The following CFAP47 variants were observed in gnomAD, a reference collection of about 807,000 sequenced individuals.
The protein encoded by CFAP47 is cilia- and flagella-associated protein 47.
In CFAP47, 29 loss-of-function variants were observed where a neutral mutation model predicts 148.1. The ratio of observed to expected loss-of-function variants is 0.20; its 90% CI spans 0.15 to 0.27. CFAP47 has a LOEUF of 0.27. CFAP47 is among the 10% of genes least tolerant of loss of function. CFAP47 has a pLI of 1.00. For synonymous variants in CFAP47, 664 were observed against 577.3 expected (o/e 1.15, Z -2.15); for missense variants, 1,872 against 1,697.5 (o/e 1.10, Z -1.81).
chrX:35,937,216 C>T (rs1935931110), intron 2 of CFAP47, among the ~76,000 whole-genome samples: 2 of 104,206 alleles, frequency 1.9e-5, no homozygotes, highest in Non-Finnish European at 3.9e-5. Context: ...GATCTCAGGC[C>T]TGGAGTAGAA....
chrX:36,353,870 A>G (rs1556017951), intron 60 of CFAP47, among the ~76,000 whole-genome samples, 189 bp downstream of exon 60: 1 of 111,994 alleles, frequency 8.9e-6, no homozygotes, highest in Non-Finnish European at 1.9e-5. Flanking sequence ...CTCAAACATA[A>G]CAAGTTACAG....
intron 23 of CFAP47, among the ~76,000 whole-genome samples, chrX:36,033,924 A>G (rs2146721287): frequency 8.9e-6 from 1 of 111,775 alleles, no homozygotes; most frequent in African/African-American, 3.2e-5. Flanking sequence ...TAGTGCAGAG[A>G]ATTTCTGATA....
intron 57 of CFAP47, among the ~76,000 whole-genome samples, chrX:36,339,929 G>A (rs1237328721): frequency 1.8e-5 from 2 of 111,754 alleles, no homozygotes; most frequent in African/African-American, 6.5e-5. Flanking sequence ...TAAGAAGCAT[G>A]GATTTGTGTT....
intron 26 of CFAP47, among the ~76,000 whole-genome samples, chrX:36,048,970 A>G (rs1937498515): frequency 9.0e-6 from 1 of 111,307 alleles, no homozygotes; most frequent in African/African-American, 3.3e-5. Flanking sequence ...GGAACAGATT[A>G]TGAAAGTCGT....
At chrX:36,378,589 G>A (rs1350778288) in intron 62 of CFAP47, among the ~76,000 whole-genome samples, 1 of 111,832 alleles carries the variant, frequency 8.9e-6, no homozygotes, top group Non-Finnish European at 1.9e-5. Context: ...GCCCCAGCTG[G>A]AGTGCAATGG....
intron 61 of CFAP47, among the ~76,000 whole-genome samples, chrX:36,363,441 C>A (rs2146991979): frequency 9.0e-6 from 1 of 111,276 alleles, no homozygotes; most frequent in East Asian, 2.8e-4. Flanking sequence ...TACCTAAACA[C>A]AGAAAAGGTA....
rs986031894 is a variant in CFAP47, at chrX:36,148,392, G to A, written c.5671-716G>A. ...TCTTGAGGACATGCCCAAAGGTGGG[G>A]CCTAGTTAAAAAAAGAGTTCAGACA... On this transcript the variant is annotated intron_variant, in intron 36 of 63. Coordinates refer to ENST00000378653, the MANE Select transcript of CFAP47 (RefSeq NM_001304548.2). Among the ~76,000 whole-genome samples, 3 of 111,641 alleles carry A rather than the reference G, an allele frequency of 2.7e-5. No homozygotes were observed. The South Asian group carries it at 1.1e-3, about 42-fold the overall frequency.
intron 24 of CFAP47, among the ~76,000 whole-genome samples, chrX:36,038,568 C>T (rs1391849175): frequency 8.9e-6 from 1 of 111,815 alleles, no homozygotes; most frequent in Non-Finnish European, 1.9e-5. Flanking sequence ...CATCTCAGGA[C>T]CTCCTTTTCT....
At chrX:36,051,476 C>T (rs1444509384) in intron 26 of CFAP47, among the ~76,000 whole-genome samples, 5 of 110,543 alleles carry the variant, frequency 4.5e-5, no homozygotes, top group Non-Finnish European at 9.5e-5. Flanking sequence ...TTAAGATTTG[C>T]CTGCCCTGCT....
At position 36,310,967 on chromosome X, in the gene CFAP47, C is replaced by A. The variant is rs1344232621; in HGVS notation, c.8322C>A (p.Val2774=). Residue 2774 remains valine, a synonymous_variant, in exon 56 of 64, where the codon GTC becomes GTA. Coordinates refer to ENST00000378653, the MANE Select transcript of CFAP47 (RefSeq NM_001304548.2). The part of the protein sequence containing the change: ...IPFKNPTMED[V]LIDIILTSVE... ...TCAAAAATCCCACAATGGAAGATGT[C>A]CTCATTGATATAATACTGACAAGTA... 8.9e-7 allele frequency: 1 copy of A among 1,127,447 alleles called. No individual in the cohort carries two copies. Among genetic ancestry groups the A allele is most frequent in the East Asian group, 3.4e-5 (1 of 29,755 alleles). The allele number at this position is 1,127,447 out of a possible 1,213,427, so 92.9% of individuals were successfully genotyped here. A position where few individuals can be genotyped will look rare whatever the true frequency, so the allele number is the denominator to read the frequency against.
Position 36,228,715 on chromosome X carries a change from A to G in CFAP47, c.6905A>G (p.Tyr2302Cys), listed in dbSNP as rs1462946855. ...TGTAAAATTTTATTGAAATCAAGGT[A>G]TGATGTGCGTGCCTATTATGTTGAA... ...YPCKILLKSR[Y>C]DVRAYYVEGI... Residue 2302 changes from tyrosine to cysteine, a missense_variant, in exon 46 of 64, where the codon TAT (tyrosine) becomes TGT (cysteine). By Grantham distance (194) the Tyr-to-Cys change is radical (BLOSUM62 -2). Coordinates refer to ENST00000378653, the MANE Select transcript of CFAP47 (RefSeq NM_001304548.2). The G allele has an allele frequency of 1.9e-6, 1 of 523,557 alleles. No individual in the cohort carries two copies. Among genetic ancestry groups the G allele is most frequent in the Non-Finnish European group, 3.5e-6 (1 of 286,160 alleles). 43.1% of individuals were successfully genotyped at this position (523,557 alleles called of 1,213,427 possible).
Position 36,071,819 on chromosome X carries a change from T to C in CFAP47, c.4319-6T>C, listed in dbSNP as rs758386360. 5.0e-6 allele frequency: 6 copies of C among 1,202,494 alleles called. No individual in the cohort carries two copies. In the South Asian group the frequency reaches 1.1e-4, roughly 22 times the overall value. On this transcript the variant is annotated splice_region_variant and splice_polypyrimidine_tract_variant and intron_variant, in intron 27 of 63. Transcript: ENST00000378653. ...TGCTTACTGTGATCCAATGTGTCATTTGTAGATAAGGATGAATATCTTAAG... is the reference window on the plus strand; with the variant it reads ...TGCTTACTGTGATCCAATGTGTCATCTGTAGATAAGGATGAATATCTTAAG...
At chrX:36,028,347 G>A (rs1937244437) in intron 22 of CFAP47, among the ~76,000 whole-genome samples, 2 of 110,489 alleles carry the variant, frequency 1.8e-5, no homozygotes, top group South Asian at 7.5e-4. Context: ...AGAGGTATGG[G>A]TCCAGTTTCA....
intron 50 of CFAP47, among the ~76,000 whole-genome samples, chrX:36,283,300 A>G (rs1484660448): frequency 9.0e-6 from 1 of 111,714 alleles, no homozygotes; most frequent in African/African-American, 3.2e-5. Context: ...TGTTGTTTTC[A>G]TCAATAAATC....
intron 13 of CFAP47, among the ~76,000 whole-genome samples, chrX:35,972,907 A>C (rs930392839): frequency 9.0e-6 from 1 of 111,253 alleles, no homozygotes; most frequent in African/African-American, 3.3e-5. Flanking sequence ...TTAAAAAAAA[A>C]CCCTCTAAAA....
intron 21 of CFAP47, among the ~76,000 whole-genome samples, chrX:36,002,814 TTAA>T (rs1377563628): frequency 2.7e-5 from 3 of 111,749 alleles, no homozygotes; most frequent in African/African-American, 6.5e-5. Flanking sequence ...AATGCTATCT[TTAA>T]TAATCTAATT....
intron 45 of CFAP47, among the ~76,000 whole-genome samples, chrX:36,216,037 C>G (rs1940156148): frequency 9.0e-6 from 1 of 111,220 alleles, no homozygotes; most frequent in Non-Finnish European, 1.9e-5. Flanking sequence ...AAATAAATGC[C>G]TGGAGTGCAA....
At chrX:36,332,214 G>T (rs1188739312) in intron 57 of CFAP47, among the ~76,000 whole-genome samples, 5 of 110,943 alleles carry the variant, frequency 4.5e-5, no homozygotes, top group African/African-American at 1.6e-4. Context: ...TGGATAAGAA[G>T]AATTTAAAAT....
chrX:36,370,497 T>C (rs1262396402), intron 62 of CFAP47, among the ~76,000 whole-genome samples: 1 of 110,834 alleles, frequency 9.0e-6, no homozygotes, highest in Non-Finnish European at 1.9e-5. Context: ...CAGTCTATTA[T>C]TGATGGACAC....
Sources: gnomAD v4.1 joint callset for allele counts (sites outside exome capture counted in the v4.1 genomes callset) on GRCh38, gnomAD v4.1.1 for gene constraint, MANE v1.5 for transcripts, NCBI Gene and HGNC (gene_info 2026-07-23, HGNC 2026-07-21) for gene names.